Variants in HUNK observed in about 807,000 individuals in gnomAD.
HUNK encodes the protein hormonally up-regulated Neu-associated kinase, also known as hormonally up-regulated neu tumor-associated kinase.
In HUNK, 21 loss-of-function variants were observed where a neutral mutation model predicts 61.0. That is an observed-to-expected ratio of 0.34 (90% CI 0.24 to 0.50). The LOEUF (loss-of-function observed/expected upper bound fraction) is 0.50, where lower values mean the gene tolerates loss of function less well. Among genes scored for constraint, HUNK ranks in the 20% least tolerant of loss-of-function variants. The pLI is 0.98. For synonymous variants in HUNK, 371 were observed against 386.1 expected, an observed-to-expected ratio of 0.96 and a Z score of 0.46; for missense variants, 772 against 945.7, an observed-to-expected ratio of 0.82 and a Z score of 2.41.
At chr21:31,993,709 G>T (rs1376660808) in intron 9 of HUNK, among the ~76,000 whole-genome samples, 4 of 152,176 alleles carry the variant, frequency 2.6e-5, no homozygotes, top group Non-Finnish European at 5.9e-5. Context: ...CCTTGGAGAA[G>T]GTGGCCTGTT....
At chr21:31,938,566 C>T (rs956225540) in intron 2 of HUNK, among the ~76,000 whole-genome samples, 6 of 152,184 alleles carry the variant, frequency 3.9e-5, no homozygotes, top group South Asian at 2.1e-4. Context: ...CAGACATTGA[C>T]GTAGTGTATC....
chr21:31,916,532 C>T (rs907850625), intron 1 of HUNK, among the ~76,000 whole-genome samples: 6 of 152,104 alleles, frequency 3.9e-5, no homozygotes, highest in African/African-American at 1.4e-4. Flanking sequence ...CCTCGGCAGT[C>T]AGCAAGTGAC....
Position 31,924,282 on chromosome 21 carries a change from GTGTT to G in HUNK, c.262-182_262-179del, listed in dbSNP as rs931694851. On this transcript the variant is annotated intron_variant, in intron 1 of 10. Coordinates refer to ENST00000270112, the MANE Select transcript of HUNK (RefSeq NM_014586.2). The surrounding 1 kb of genome is among the most constrained non-coding windows in gnomAD (Gnocchi z 5.1). ...TGTACCTATATGTGTGTGTGTGTGTGTGTTTGTGTGGTATATGCATAAATATAAA... is the reference window on the plus strand; with the variant it reads ...TGTACCTATATGTGTGTGTGTGTGTGTGTGTGGTATATGCATAAATATAAA... Among the ~76,000 whole-genome samples the G allele has an allele frequency of 5.5e-4, 83 of 150,296 alleles. 1 individual carries two copies. The highest frequency in any genetic ancestry group is 1.8e-3 in the African/African-American group (73 of 40,464).
chr21:31,962,759 A>G (rs1026621665), intron 5 of HUNK, among the ~76,000 whole-genome samples: 1 of 152,244 alleles, frequency 6.6e-6, no homozygotes, highest in East Asian at 1.9e-4. Flanking sequence ...GGGATATAGA[A>G]ATATCTTTTT....
intron 6 of HUNK, among the ~76,000 whole-genome samples, chr21:31,971,407 A>T (rs993312183): frequency 6.6e-6 from 1 of 152,168 alleles, no homozygotes; most frequent in Non-Finnish European, 1.5e-5. Flanking sequence ...TGGGGGAGGT[A>T]CATGTTATTT....
At chr21:31,984,950 G>A (rs1211742662) in intron 8 of HUNK, among the ~76,000 whole-genome samples, 1 of 152,166 alleles carries the variant, frequency 6.6e-6, no homozygotes, top group Non-Finnish European at 1.5e-5. Context: ...TCACAATCAT[G>A]GCAGAAGGTA....
At chr21:31,923,351 G>C (rs2052635658) in intron 1 of HUNK, among the ~76,000 whole-genome samples, 1 of 151,768 alleles carries the variant, frequency 6.6e-6, no homozygotes, top group African/African-American at 2.4e-5. Flanking sequence ...GAGGTGGGAG[G>C]ATCACTTAAG....
At chr21:31,887,226 T>C (rs1390483861) in intron 1 of HUNK, among the ~76,000 whole-genome samples, 3 of 152,176 alleles carry the variant, frequency 2.0e-5, no homozygotes, top group African/African-American at 7.2e-5. Flanking sequence ...AACCAGACAG[T>C]ATTTTGCAGT....
chr21:31,998,678 A>T lies in HUNK; in HGVS notation c.1639A>T (p.Ile547Phe), dbSNP rs2053223065. ...PHQPGPGSTGIPHKEDPLMLD... is the reference protein window; with the variant it reads ...PHQPGPGSTGFPHKEDPLMLD... ...TCAGCCAGGGCCCGGAAGCACTGGC[A>T]TCCCCCACAAGGAAGACCCCCTGAT... Residue 547 changes from isoleucine (I) to phenylalanine (F), a missense_variant, in exon 11 of 11, where the codon ATC becomes TTC. Ile to Phe is a conservative substitution (Grantham distance 21). Around this residue, in one of 2 missense-constraint regions of HUNK, gnomAD observed 413 missense variants for 444.4 expected, o/e 0.93. Transcript: ENST00000270112. 6.2e-7 allele frequency: 1 copy of T among 1,614,156 alleles called. No homozygotes were observed. Among genetic ancestry groups the T allele is most frequent in the African/African-American group, 1.3e-5 (1 of 75,040 alleles).
At chr21:31,979,512 ATTCTTTTTTTTTTTTTTTT>A (rs1460183898) in intron 7 of HUNK, among the ~76,000 whole-genome samples, 1 of 99,508 alleles carries the variant, frequency 1.0e-5, no homozygotes, top group Non-Finnish European at 2.0e-5. Flanking sequence ...AGTTGTTTGC[ATTCTTTTTTTTTTTTTTTT>A]TTTTTTTTTT....
intron 5 of HUNK, among the ~76,000 whole-genome samples, chr21:31,967,210 G>A (rs942615019): frequency 2.0e-5 from 3 of 152,048 alleles, no homozygotes; most frequent in African/African-American, 7.2e-5. Context: ...AAGTATCCAG[G>A]TGTGACGGTG....
chr21:31,940,792 T>A (rs2052763834), intron 3 of HUNK, among the ~76,000 whole-genome samples: 1 of 152,198 alleles, frequency 6.6e-6, no homozygotes. Flanking sequence ...TTCAGGTGGT[T>A]CTGTTGTTGT....
chr21:31,922,966 G>C (rs1318535341), intron 1 of HUNK, among the ~76,000 whole-genome samples: 2 of 152,198 alleles, frequency 1.3e-5, no homozygotes, highest in African/African-American at 4.8e-5. Flanking sequence ...AGGTGTTCCT[G>C]GGATGCTCAT....
At chr21:31,973,538 A>G (rs2053027612) in intron 6 of HUNK, among the ~76,000 whole-genome samples, 1 of 151,902 alleles carries the variant, frequency 6.6e-6, no homozygotes, top group African/African-American at 2.4e-5. Flanking sequence ...CCTCCCCCTG[A>G]TTTCTCAGTC....
rs113943758 is a variant in HUNK at position 31,960,971 on chromosome 21, G to A, written c.874+2001G>A. Among the ~76,000 whole-genome samples, 281 of 152,276 alleles carry A rather than the reference G, an allele frequency of 1.8e-3. 1 individual carries two copies. The highest frequency in any genetic ancestry group is 6.2e-3 in the African/African-American group (257 of 41,552). On this transcript the variant is annotated intron_variant, in intron 5 of 10. Coordinates refer to ENST00000270112, the MANE Select transcript of HUNK (RefSeq NM_014586.2). The stretch of plus-strand genomic sequence containing the variant: ...ACAAGTTTTATGTACAATCTTGTGT[G>A]TTGCTGTATATTAGTTCTATAGAGT...
intron 9 of HUNK, among the ~76,000 whole-genome samples, chr21:31,995,512 T>G (rs2053198400): frequency 6.6e-6 from 1 of 152,208 alleles, no homozygotes; most frequent in African/African-American, 2.4e-5. Context: ...GCCCTGCCCT[T>G]GCTGGAATGC....
intron 4 of HUNK, among the ~76,000 whole-genome samples, chr21:31,951,225 G>A (rs1036376932): frequency 2.0e-5 from 3 of 150,868 alleles, no homozygotes; most frequent in Non-Finnish European, 4.4e-5. Flanking sequence ...ACATATAGAT[G>A]TGTGTGTCTC....
chr21:31,972,710 C>T (rs1035963879), intron 6 of HUNK, among the ~76,000 whole-genome samples: 2 of 152,168 alleles, frequency 1.3e-5, no homozygotes, highest in Admixed American at 6.5e-5. Flanking sequence ...AGCCAGTAAT[C>T]GTGCCAATCC....
chr21:31,938,991 A>C (rs1474373248), intron 2 of HUNK, among the ~76,000 whole-genome samples: 1 of 152,124 alleles, frequency 6.6e-6, no homozygotes, highest in Non-Finnish European at 1.5e-5. Flanking sequence ...GAATGTGCAA[A>C]AGTACTGGGG....
Sources: gnomAD v4.1 joint callset for allele counts (sites outside exome capture counted in the v4.1 genomes callset) on GRCh38, gnomAD v4.1.1 for gene constraint, gnomAD v4.1.1 regional missense constraint, Gnocchi (gnomAD v3.1) non-coding constraint, MANE v1.5 for transcripts, NCBI Gene and HGNC (gene_info 2026-07-23, HGNC 2026-07-21) for gene names.